Variants in GNAL observed in about 807,000 individuals in gnomAD.
The protein encoded by GNAL is G protein subunit alpha L.
Under a neutral mutation model 55.1 loss-of-function variants are expected in GNAL, and 18 were observed. That is an observed-to-expected ratio of 0.33 (90% confidence interval 0.23 to 0.48). The LOEUF (loss-of-function observed/expected upper bound fraction) is 0.48. Ranked by LOEUF, GNAL falls within the 20% of genes least tolerant of loss-of-function variation. GNAL has a pLI of 0.99. For synonymous variants in GNAL, 253 were observed against 237.0 expected, an observed-to-expected ratio of 1.07 and a Z score of -0.62; for missense variants, 412 against 614.1, an observed-to-expected ratio of 0.67 and a Z score of 3.48.
chr18:11,745,409 GA>G (rs143651627), intron 1 of GNAL, among the ~76,000 whole-genome samples: 294 of 152,204 alleles, frequency 1.9e-3, no homozygotes, highest in African/African-American at 6.8e-3. Context: ...CCGAAAGACT[GA>G]AAGAGACCAA....
chr18:11,694,954 C>A (rs777697549), intron 1 of GNAL, among the ~76,000 whole-genome samples: 3 of 152,140 alleles, frequency 2.0e-5, no homozygotes, highest in Non-Finnish European at 4.4e-5. Context: ...GTCTCTTCCT[C>A]TTCTTACGAG....
At chr18:11,769,020 TTATAATA>T (rs1313356872) in intron 4 of GNAL, among the ~76,000 whole-genome samples, 3 of 102,998 alleles carry the variant, frequency 2.9e-5, no homozygotes, top group East Asian at 4.2e-4. Flanking sequence ...ATATTCTATA[TTATAATA>T]TATTATATAT....
intron 4 of GNAL, among the ~76,000 whole-genome samples, chr18:11,788,908 A>T (rs375878609): frequency 0.27 from 19,996 of 72,744 alleles, 2,721 homozygotes; most frequent in Admixed American, 0.41. Flanking sequence ...AAAAAAAAAA[A>T]AAAAAAATAT....
intron 1 of GNAL, among the ~76,000 whole-genome samples, chr18:11,703,385 A>C (rs1203679844): frequency 1.3e-5 from 2 of 152,238 alleles, no homozygotes; most frequent in African/African-American, 2.4e-5. Flanking sequence ...CCTCTTTTTT[A>C]AGAAAATATA....
intron 1 of GNAL, among the ~76,000 whole-genome samples, chr18:11,692,774 T>C (rs8098596): frequency 0.36 from 54,137 of 151,744 alleles, 13,407 homozygotes; most frequent in African/African-American, 0.71. Context: ...GAAAATTAGC[T>C]GGGTGGTGCG....
At chr18:11,802,162 TA>T (rs2034538365) in intron 4 of GNAL, among the ~76,000 whole-genome samples, 1 of 152,112 alleles carries the variant, frequency 6.6e-6, no homozygotes, top group Non-Finnish European at 1.5e-5. Context: ...AGCGATAAAA[TA>T]AAGAGTATGC....
chr18:11,709,337 A>AG (rs2031785756), intron 1 of GNAL, among the ~76,000 whole-genome samples: 1 of 151,514 alleles, frequency 6.6e-6, no homozygotes, highest in African/African-American at 2.4e-5. Flanking sequence ...TTGTAAAAAA[A>AG]AAAAAAAAAA....
intron 5 of GNAL, among the ~76,000 whole-genome samples, chr18:11,839,424 GCACCTGTGGTCC>G (rs1476836602): frequency 6.6e-6 from 1 of 151,436 alleles, no homozygotes; most frequent in Admixed American, 6.6e-5. Flanking sequence ...ATGGTGGTGT[GCACCTGTGGTCC>G]CAGCTCCTTG....
intron 10 of GNAL, among the ~76,000 whole-genome samples, chr18:11,872,908 G>A (rs917692952): frequency 6.6e-5 from 10 of 152,222 alleles, no homozygotes; most frequent in Non-Finnish European, 1.2e-4. Context: ...GGCAGCAGCC[G>A]CGCTTATCTG....
chr18:11,753,710 CT>C lies in GNAL; in HGVS notation c.504+29del, dbSNP rs202011060. On this transcript the variant is annotated intron_variant, in intron 3 of 11. Coordinates refer to ENST00000334049, the MANE Select transcript of GNAL (RefSeq NM_182978.4). The stretch of plus-strand genomic sequence containing the variant: ...AAGGACTTTTTTAAATGATTGTTTA[CT>C]AGAAAGGTCAAGTGCTCTTCATTCT... 1.3e-3 allele frequency: 1,917 copies of C among 1,515,746 alleles called. 28 individuals carry two copies. In the African/African-American group the frequency reaches 0.023, roughly 18 times the overall value. The allele number at this position is 1,515,746 out of a possible 1,614,324, so 93.9% of individuals were successfully genotyped here.
chr18:11,799,268 A>G (rs933248604), intron 4 of GNAL, among the ~76,000 whole-genome samples: 2 of 152,114 alleles, frequency 1.3e-5, no homozygotes, highest in Non-Finnish European at 2.9e-5. Flanking sequence ...AGAAAGTATC[A>G]TGTCTCCAGC....
At chr18:11,740,137 G>C (rs537327284) in intron 1 of GNAL, among the ~76,000 whole-genome samples, 1 of 152,152 alleles carries the variant, frequency 6.6e-6, no homozygotes, top group African/African-American at 2.4e-5. Context: ...TGACAGGCCT[G>C]TAATTTTCAG....
At chr18:11,747,874 G>A (rs760560815) in intron 1 of GNAL, among the ~76,000 whole-genome samples, 1 of 152,092 alleles carries the variant, frequency 6.6e-6, no homozygotes, top group Non-Finnish European at 1.5e-5. Flanking sequence ...CCCTCTGCCG[G>A]TGGCTCCCAG....
Position 11,840,199 on chromosome 18 carries a change from G to A in GNAL, c.722+15184G>A, listed in dbSNP as rs140328561. Among the ~76,000 whole-genome samples the A allele has an allele frequency of 2.1e-3, 318 of 152,304 alleles. 2 individuals are homozygous for A. The highest frequency in any genetic ancestry group is 7.4e-3 in the African/African-American group (308 of 41,568). On this transcript the variant is annotated intron_variant, in intron 5 of 11. Transcript: ENST00000334049. Reference sequence around the variant, plus strand: ...GTGACAACAATTAAGTGCATGGGATGCTCGTATTTCTCATTCTATTCGATA... The same window carrying A: ...GTGACAACAATTAAGTGCATGGGATACTCGTATTTCTCATTCTATTCGATA...
In GNAL at chr18:11,753,965, ATATTC is replaced by A; in HGVS notation, c.624+23_624+27del. ...TCCCAGGTAAGAAATGCTTACTGAA[ATATTC>A]TAACTAGTGAAAGATGGAACCATTT... On this transcript the variant is annotated intron_variant, in intron 4 of 11. Transcript: ENST00000334049. The A allele has an allele frequency of 6.4e-7, 1 of 1,573,758 alleles. No homozygotes were observed. Among genetic ancestry groups the A allele is most frequent in the Non-Finnish European group, 8.7e-7 (1 of 1,144,826 alleles).
chr18:11,846,346 A>G (rs952667939), intron 5 of GNAL, among the ~76,000 whole-genome samples: 1 of 151,764 alleles, frequency 6.6e-6, no homozygotes, highest in African/African-American at 2.4e-5. Context: ...TTCTGTTTAC[A>G]TGCTGCTGTT....
At chr18:11,800,797 T>C (rs898294729) in intron 4 of GNAL, among the ~76,000 whole-genome samples, 5 of 152,244 alleles carry the variant, frequency 3.3e-5, no homozygotes. Flanking sequence ...AGTCCATTCA[T>C]TATCAATTAC....
At position 11,689,788 on chromosome 18, in the gene GNAL, G is replaced by A. The variant is rs2031176469; in HGVS notation, c.225G>A (p.Arg75=). 2 of 1,533,666 alleles carry A rather than the reference G, an allele frequency of 1.3e-6. No homozygotes were observed. The highest frequency in any genetic ancestry group is 1.4e-5 in the African/African-American group (1 of 70,310). Residue 75 remains arginine, a synonymous_variant, in exon 1 of 12, where the codon CGG becomes CGA. Transcript: ENST00000334049. ...RPKADKPKEK[R]QRTEQLSAEE... ...AAGCAGACAAGCCGAAGGAGAAGCG[G>A]CAGCGCACCGAGCAGCTGAGTGCCG...
chr18:11,735,298 G>T (rs1346801750), intron 1 of GNAL, among the ~76,000 whole-genome samples: 1 of 151,778 alleles, frequency 6.6e-6, no homozygotes, highest in Non-Finnish European at 1.5e-5. Flanking sequence ...TGATCCACCC[G>T]CCTTGCCCTT....
Sources: gnomAD v4.1 joint callset for allele counts (sites outside exome capture counted in the v4.1 genomes callset) on GRCh38, gnomAD v4.1.1 for gene constraint, MANE v1.5 for transcripts, NCBI Gene and HGNC (gene_info 2026-07-23, HGNC 2026-07-21) for gene names.